PPP2R2D: variants seen among roughly 807,000 people sequenced by gnomAD.
The protein encoded by PPP2R2D is protein phosphatase 2 regulatory subunit Bdelta, also known as serine/threonine-protein phosphatase 2A 55 kDa regulatory subunit B delta isoform.
In PPP2R2D, 9 loss-of-function variants were observed where a neutral mutation model predicts 31.1. The observed-to-expected ratio is 0.29, with a 90% confidence interval of 0.17 to 0.51. The LOEUF is 0.51. Among genes scored for constraint, PPP2R2D ranks in the 20% least tolerant of loss-of-function variants. The pLI, the probability that PPP2R2D is intolerant of heterozygous loss-of-function variation, is 0.98. For missense variants in PPP2R2D, 391 were observed against 465.6 expected (o/e 0.84, Z 1.48); for synonymous variants, 179 against 172.6 (o/e 1.04, Z -0.29).
chr10:131,953,420 CG>C (rs1248651188), intron 8 of PPP2R2D, among the ~76,000 whole-genome samples: 1 of 61,062 alleles, frequency 1.6e-5, no homozygotes, highest in Non-Finnish European at 3.0e-5. Flanking sequence ...CAGTGACTTG[CG>C]GGGGGTCCCT....
Position 131,956,124 on chromosome 10 carries a change from G to A in PPP2R2D, c.*161G>A, listed in dbSNP as rs888552224. 1.3e-5 allele frequency: 16 copies of A among 1,256,226 alleles called. No individual in the cohort carries two copies. The highest frequency in any genetic ancestry group is 1.5e-5 in the Non-Finnish European group (15 of 1,002,548). 77.8% of individuals were successfully genotyped at this position (1,256,226 alleles called of 1,614,324 possible). On this transcript the variant is annotated 3_prime_UTR_variant, in exon 9 of 9. Coordinates refer to ENST00000455566, the MANE Select transcript of PPP2R2D (RefSeq NM_018461.5). Reference sequence around the variant, plus strand: ...GCCGCCTCCGCTGGAGGCCCGGTGTGGTTCCGCCTCGGCGAGGCGCGAGAC... The same window carrying A: ...GCCGCCTCCGCTGGAGGCCCGGTGTAGTTCCGCCTCGGCGAGGCGCGAGAC...
In PPP2R2D at chr10:131,956,672, G is replaced by A. The variant is rs1214994909; in HGVS notation, c.*709G>A. ...TTGGCAGCGTGGGGGTATGTGTGCA[G>A]CATTTCTGTCCCCAAGCTGCTGCCC... On this transcript the variant is annotated 3_prime_UTR_variant, in exon 9 of 9. Transcript: ENST00000455566. 1.3e-5 allele frequency: 8 copies of A among 599,698 alleles called. No individual in the cohort carries two copies. Among genetic ancestry groups the A allele is most frequent in the African/African-American group, 2.0e-5 (1 of 49,628 alleles). 37.1% of individuals were successfully genotyped at this position (599,698 alleles called of 1,614,324 possible).
At chr10:131,908,674 C>G (rs1227169779) in intron 2 of PPP2R2D, among the ~76,000 whole-genome samples, 3 of 152,188 alleles carry the variant, frequency 2.0e-5, no homozygotes, top group African/African-American at 4.8e-5. Flanking sequence ...TAAACGGGTA[C>G]TATTACTTGT....
chr10:131,902,899 C>T (rs906866406), intron 2 of PPP2R2D, among the ~76,000 whole-genome samples: 4 of 152,036 alleles, frequency 2.6e-5, no homozygotes, highest in South Asian at 2.1e-4. Context: ...ACCACACACA[C>T]GCGTGCACCA....
rs575577725 is a variant in PPP2R2D, at chr10:131,921,061, G to C, written c.101-13397G>C. ...TTGTTTTGCTAATATGATGGGCTAG[G>C]TTCAAGGATCATTTCCTAAAGTTTG... On this transcript the variant is annotated intron_variant, in intron 2 of 8. Transcript: ENST00000455566. Among the ~76,000 whole-genome samples the C allele has an allele frequency of 2.0e-5, 3 of 152,334 alleles. No individual in the cohort carries two copies. The East Asian group carries it at 5.8e-4, about 29-fold the overall frequency.
intron 4 of PPP2R2D, 54 bp downstream of exon 4, chr10:131,940,250 CTG>C (rs60457100): frequency 1.8e-4 from 109 of 600,684 alleles, no homozygotes; most frequent in Non-Finnish European, 3.1e-4. Context: ...TTTTAATTTT[CTG>C]TGTGTGTGTA....
At position 131,956,598 on chromosome 10, in the gene PPP2R2D, T is replaced by C. The variant is rs2036804469; in HGVS notation, c.*635T>C. 1 of 976,702 alleles carries C rather than the reference T, an allele frequency of 1.0e-6. No individual in the cohort carries two copies. The highest frequency in any genetic ancestry group is 1.2e-6 in the Non-Finnish European group (1 of 821,910). 60.5% of individuals were successfully genotyped at this position (976,702 alleles called of 1,614,324 possible). ...AATTTTATTGCATAGAATGAAGTTA[T>C]GCAGGGTTCTTCTTTGGAACTAACT... On this transcript the variant is annotated 3_prime_UTR_variant, in exon 9 of 9. Coordinates refer to ENST00000455566, the MANE Select transcript of PPP2R2D (RefSeq NM_018461.5).
At chr10:131,966,430 A>G in the PPP2R2D span, 1 of 152,256 alleles carries the variant, frequency 6.6e-6, no homozygotes, top group Admixed American at 6.5e-5. Flanking sequence ...CCTCAAAGAT[A>G]AAAACATTCA....
At chr10:131,917,022 C>CAGGTGGGTGGAATG (rs2035810797) in intron 2 of PPP2R2D, among the ~76,000 whole-genome samples, 1 of 134,880 alleles carries the variant, frequency 7.4e-6, no homozygotes, top group Admixed American at 7.3e-5. Flanking sequence ...GTAGGGACCT[C>CAGGTGGGTGGAATG]ACGTGGGTGG....
At chr10:131,925,712 T>C (rs1322138419) in intron 2 of PPP2R2D, among the ~76,000 whole-genome samples, 2 of 152,182 alleles carry the variant, frequency 1.3e-5, no homozygotes, top group Admixed American at 6.5e-5. Flanking sequence ...TAAATTCAGC[T>C]TCTTGTCTTG....
intron 2 of PPP2R2D, among the ~76,000 whole-genome samples, chr10:131,904,353 T>TA (rs1455981569): frequency 1.3e-5 from 2 of 151,832 alleles, no homozygotes; most frequent in Non-Finnish European, 2.9e-5. Context: ...CTACTAAAAA[T>TA]ACAAAAATTA....
At chr10:131,934,995 C>T in intron 3 of PPP2R2D, 4 of 454,838 alleles carry the variant, frequency 8.8e-6, no homozygotes, top group South Asian at 4.7e-5. Flanking sequence ...TCTCTCTTCC[C>T]TTCAGGGAGA....
chr10:131,930,379 A>G (rs781990261), intron 2 of PPP2R2D, among the ~76,000 whole-genome samples: 48 of 152,102 alleles, frequency 3.2e-4, no homozygotes, highest in Admixed American at 2.0e-4. Flanking sequence ...TCTCCTCACC[A>G]TTTTTTGGAA....
chr10:131,969,492 T>C, the PPP2R2D span: 1 of 152,146 alleles, frequency 6.6e-6, no homozygotes, highest in Middle Eastern at 3.4e-3. Context: ...TGACGGGTTA[T>C]GGGGGGGACG....
At position 131,945,547 on chromosome 10, in the gene PPP2R2D, C is replaced by T; in HGVS notation, c.820+88C>T. 6.9e-7 allele frequency: 1 copy of T among 1,455,774 alleles called. No homozygotes were observed. 90.2% of individuals were successfully genotyped at this position (1,455,774 alleles called of 1,614,324 possible). On this transcript the variant is annotated intron_variant, in intron 7 of 8. Transcript: ENST00000455566. This position sits in a 1 kb window ranked among gnomAD's most constrained non-coding sequence, Gnocchi z 4.8. Reference sequence around the variant, plus strand: ...CAGTCTCGGCTCACGGCAAGCTCCGCCTCCCGGGTTCCAGCAAGTCTTCTG... The same window carrying T: ...CAGTCTCGGCTCACGGCAAGCTCCGTCTCCCGGGTTCCAGCAAGTCTTCTG...
At chr10:131,948,684 A>G (rs782801519) in intron 8 of PPP2R2D, among the ~76,000 whole-genome samples, 4 of 152,228 alleles carry the variant, frequency 2.6e-5, no homozygotes, top group Non-Finnish European at 5.9e-5. Context: ...GCATCAGCCC[A>G]TAGCAGGAAC....
At chr10:131,908,969 G>T (rs2035641441) in intron 2 of PPP2R2D, among the ~76,000 whole-genome samples, 1 of 152,234 alleles carries the variant, frequency 6.6e-6, no homozygotes, top group Non-Finnish European at 1.5e-5. Flanking sequence ...AGGAAACGCT[G>T]TTTGGACACA....
chr10:131,905,234 A>G (rs1439641293), intron 2 of PPP2R2D, among the ~76,000 whole-genome samples: 11 of 152,224 alleles, frequency 7.2e-5, no homozygotes, highest in Non-Finnish European at 1.3e-4. Flanking sequence ...AAGAGTTAAA[A>G]TAGTAAAACC....
At position 131,901,337 on chromosome 10, in the gene PPP2R2D, C is replaced by CCCGCG. The variant is rs2035490357; in HGVS notation, c.100+15_100+19dup. On this transcript the variant is annotated splice_region_variant and intron_variant, in intron 2 of 8. Transcript: ENST00000455566. ...GACGAGGACGTGGCCGAAGGTGAGC[C>CCCGCG]CCGCGCCGCGCCCCGCCCCGGGACC... The CCCGCG allele has an allele frequency of 1.1e-5, 4 of 357,808 alleles. No individual in the cohort carries two copies. The highest frequency in any genetic ancestry group is 8.2e-5 in the East Asian group (2 of 24,492). 22.2% of individuals were successfully genotyped at this position (357,808 alleles called of 1,614,324 possible). A position where few individuals can be genotyped will look rare whatever the true frequency, so the allele number is the denominator to read the frequency against.
Sources: gnomAD v4.1 joint callset for allele counts (sites outside exome capture counted in the v4.1 genomes callset) on GRCh38, gnomAD v4.1.1 for gene constraint, Gnocchi (gnomAD v3.1) non-coding constraint, MANE v1.5 for transcripts, NCBI Gene and HGNC (gene_info 2026-07-23, HGNC 2026-07-21) for gene names.